Variants in KCNH1 observed in about 807,000 individuals in gnomAD.
The protein encoded by KCNH1 is voltage-gated delayed rectifier potassium channel KCNH1.
A neutral mutation model predicts 69.2 loss-of-function variants in KCNH1; 27 were observed. The ratio of observed to expected loss-of-function variants is 0.39; its 90% CI spans 0.29 to 0.54. The LOEUF is 0.54. Among genes scored for constraint, KCNH1 ranks in the 20% least tolerant of loss-of-function variants. The probability of loss-of-function intolerance (pLI) is 0.68; values close to 1 mark genes in which losing one functional copy is unlikely to be tolerated. For missense variants in KCNH1, 798 were observed against 1,261.6 expected (o/e 0.63, Z 5.57); for synonymous variants, 456 against 487.7 (o/e 0.93, Z 0.86).
chr1:211,131,320 A>G (rs190310253), intron 1 of KCNH1, among the ~76,000 whole-genome samples: 1 of 152,328 alleles, frequency 6.6e-6, no homozygotes, highest in East Asian at 1.9e-4. Context: ...AGTTCCACAG[A>G]CTAAGTCATA....
chr1:210,887,722 CAAAAA>C (rs35066964), intron 7 of KCNH1, among the ~76,000 whole-genome samples: 4 of 55,062 alleles, frequency 7.3e-5, no homozygotes, highest in Non-Finnish European at 1.3e-4. Context: ...AATGGAAAGC[CAAAAA>C]AAAAAAAAAA....
At chr1:210,820,218 A>C (rs1280414994) in intron 7 of KCNH1, among the ~76,000 whole-genome samples, 1 of 152,244 alleles carries the variant, frequency 6.6e-6, no homozygotes, top group African/African-American at 2.4e-5. Context: ...TAATTTGAGA[A>C]AACATTTTAT....
At chr1:210,921,132 T>A (rs781193576) in intron 6 of KCNH1, among the ~76,000 whole-genome samples, 5 of 152,226 alleles carry the variant, frequency 3.3e-5, no homozygotes, top group Non-Finnish European at 7.3e-5. Context: ...TCTCTAAGTC[T>A]TCTCCATACA....
At chr1:210,710,408 T>C (rs911060376) in intron 10 of KCNH1, among the ~76,000 whole-genome samples, 5 of 151,976 alleles carry the variant, frequency 3.3e-5, no homozygotes, top group African/African-American at 4.8e-5. Context: ...GGTGGATTGA[T>C]AGACGGAAAG....
At chr1:210,888,631 T>G (rs1235764820) in intron 7 of KCNH1, among the ~76,000 whole-genome samples, 1 of 152,058 alleles carries the variant, frequency 6.6e-6, no homozygotes, top group Non-Finnish European at 1.5e-5. Flanking sequence ...GCTGGTTTTT[T>G]GAAAAGATTA....
chr1:211,064,413 T>A (rs1052912233), intron 5 of KCNH1, among the ~76,000 whole-genome samples: 2 of 151,902 alleles, frequency 1.3e-5, no homozygotes, highest in Non-Finnish European at 2.9e-5. Context: ...TACAAAAAAA[T>A]TGCCCGGCGT....
intron 7 of KCNH1, among the ~76,000 whole-genome samples, chr1:210,884,967 G>A (rs1686571872): frequency 6.6e-6 from 1 of 152,216 alleles, no homozygotes; most frequent in South Asian, 2.1e-4. Flanking sequence ...AGAGCCTTAG[G>A]CAGTTACTCA....
intron 7 of KCNH1, among the ~76,000 whole-genome samples, chr1:210,906,720 C>A (rs1687110390): frequency 6.6e-6 from 1 of 152,184 alleles, no homozygotes; most frequent in Non-Finnish European, 1.5e-5. Flanking sequence ...CACTCGGATT[C>A]TCTCACTGAT....
chr1:210,859,354 C>A (rs4951669), intron 7 of KCNH1: 3 of 1,525,498 alleles, frequency 2.0e-6, no homozygotes, highest in Middle Eastern at 1.7e-4. Context: ...ATGAGTCAGA[C>A]CCTGATCCCA....
At chr1:210,790,634 T>C in intron 9 of KCNH1, among the ~76,000 whole-genome samples, 1 of 152,244 alleles carries the variant, frequency 6.6e-6, no homozygotes, top group East Asian at 1.9e-4. Flanking sequence ...AACTATGTAT[T>C]GTTTACGTGA....
intron 10 of KCNH1, among the ~76,000 whole-genome samples, chr1:210,716,431 C>CAGAAAAAAAAA (rs1682251000): frequency 1.1e-5 from 1 of 91,978 alleles, no homozygotes; most frequent in African/African-American, 4.8e-5. Context: ...GACTCCGTCT[C>CAGAAAAAAAAA]AAAAAAAAAA....
chr1:210,947,238 C>T (rs547506995), intron 6 of KCNH1, among the ~76,000 whole-genome samples: 10 of 152,298 alleles, frequency 6.6e-5, no homozygotes, highest in African/African-American at 2.4e-4. Flanking sequence ...CTACCCCATT[C>T]ATACCACTGG....
chr1:210,732,729 C>T (rs1288701265), intron 10 of KCNH1, among the ~76,000 whole-genome samples: 1 of 152,212 alleles, frequency 6.6e-6, no homozygotes, highest in African/African-American at 2.4e-5. Flanking sequence ...AGGGCTCTGT[C>T]TGCTTCACAG....
At chr1:211,004,909 A>C (rs1349743955) in intron 6 of KCNH1, among the ~76,000 whole-genome samples, 2 of 152,154 alleles carry the variant, frequency 1.3e-5, no homozygotes, top group Non-Finnish European at 2.9e-5. Context: ...CACAATGTTA[A>C]GGTTCAAATT....
At chr1:210,772,059 G>T (rs907714273) in intron 10 of KCNH1, among the ~76,000 whole-genome samples, 1 of 152,232 alleles carries the variant, frequency 6.6e-6, no homozygotes, top group Non-Finnish European at 1.5e-5. Flanking sequence ...GAATACAGAG[G>T]CTAGAGTAGA....
chr1:210,863,972 A>G (rs1233250221), intron 7 of KCNH1, among the ~76,000 whole-genome samples: 1 of 82,468 alleles, frequency 1.2e-5, no homozygotes, highest in African/African-American at 7.7e-5. Context: ...GCAATTAGGA[A>G]ACCTGCTGCT....
chr1:210,903,779 T>C (rs1208645177), intron 7 of KCNH1, among the ~76,000 whole-genome samples: 1 of 152,206 alleles, frequency 6.6e-6, no homozygotes, highest in African/African-American at 2.4e-5. Context: ...TCAAATTTAC[T>C]ACCAACTCTC....
intron 9 of KCNH1, among the ~76,000 whole-genome samples, chr1:210,776,426 T>A (rs1374683915): frequency 6.6e-6 from 1 of 152,166 alleles, no homozygotes; most frequent in South Asian, 2.1e-4. Context: ...TCCCCCATAA[T>A]TCATATATTA....
chr1:210,879,958 G>A (rs185768021), intron 7 of KCNH1, among the ~76,000 whole-genome samples: 3 of 152,168 alleles, frequency 2.0e-5, no homozygotes, highest in East Asian at 1.9e-4. Context: ...ATGAACAGGT[G>A]GAATTTGAAA....
Sources: allele counts gnomAD v4.1 joint callset (sites outside exome capture counted in the v4.1 genomes callset), GRCh38; gene constraint gnomAD v4.1.1; transcripts MANE v1.5; gene names NCBI Gene and HGNC (gene_info 2026-07-23, HGNC 2026-07-21).